Variants in CCDC91 observed in about 807,000 individuals in gnomAD.
CCDC91 encodes coiled-coil domain-containing protein 91.
Under a neutral mutation model 63.2 loss-of-function variants are expected in CCDC91, and 48 were observed. That is an observed-to-expected ratio of 0.76 (90% CI 0.60 to 0.97). The LOEUF (loss-of-function observed/expected upper bound fraction) is 0.97. CCDC91 is among the 50% of genes least tolerant of loss of function. The pLI is 0.00. For missense variants in CCDC91, 500 were observed against 494.6 expected (o/e 1.01, Z -0.10); for synonymous variants, 167 against 165.8 (o/e 1.01, Z -0.06).
chr12:28,222,385 C>T (rs1270974888), intron 1 of CCDC91, among the ~76,000 whole-genome samples: 2 of 152,052 alleles, frequency 1.3e-5, no homozygotes, highest in African/African-American at 4.8e-5. Context: ...TTTTCATTTA[C>T]TCTGTTCATC....
chr12:28,305,795 C>A lies in CCDC91; in HGVS notation c.256C>A (p.Pro86Thr). 1.2e-6 allele frequency: 2 copies of A among 1,611,742 alleles called. No individual in the cohort carries two copies. Among genetic ancestry groups the A allele is most frequent in the Non-Finnish European group, 8.5e-7 (1 of 1,178,674 alleles). Residue 86 changes from proline (P) to threonine (T), a missense_variant, in exon 4 of 13, where the codon CCA becomes ACA. Coordinates refer to ENST00000536442, the MANE Select transcript of CCDC91 (RefSeq NM_018318.5). ...AAATAGCATTGTGAGTCAAACTATT[C>A]CAAAAGCACAGGTAAAGACAAACAT... Reference protein sequence around the residue: ...AANSIVSQTIPKAQIQQSTHT... With the variant: ...AANSIVSQTITKAQIQQSTHT...
At chr12:28,391,525 A>C in intron 8 of CCDC91, 114 bp downstream of exon 8, 1 of 589,472 alleles carries the variant, frequency 1.7e-6, no homozygotes, top group South Asian at 3.1e-5. Context: ...ATTTTGGAGA[A>C]AAAATGTGCT....
intron 3 of CCDC91, among the ~76,000 whole-genome samples, chr12:28,304,375 TAAAAAAAAAA>T (rs777296414): frequency 2.7e-5 from 2 of 73,596 alleles, no homozygotes; most frequent in Non-Finnish European, 5.0e-5. Context: ...AGACTCCGTC[TAAAAAAAAAA>T]AAAAAAAAAA....
intron 12 of CCDC91, among the ~76,000 whole-genome samples, chr12:28,544,271 C>G (rs796346392): frequency 1.3e-5 from 2 of 151,700 alleles, no homozygotes; most frequent in African/African-American, 2.4e-5. Context: ...TCTGCACCCC[C>G]CTTTTGGAGT....
At chr12:28,455,688 T>C (rs574573758) in intron 11 of CCDC91, among the ~76,000 whole-genome samples, 2 of 152,164 alleles carry the variant, frequency 1.3e-5, no homozygotes, top group African/African-American at 4.8e-5. Context: ...TTTTTTTTCT[T>C]TGTAGCTTTG....
chr12:28,193,584 A>G (rs548711322), intron 1 of CCDC91, among the ~76,000 whole-genome samples: 16 of 150,438 alleles, frequency 1.1e-4, no homozygotes, highest in Admixed American at 7.3e-4. Flanking sequence ...CTGGTGACAG[A>G]GTGAAACTCC....
At chr12:28,449,859 G>C (rs11049613) in intron 8 of CCDC91, among the ~76,000 whole-genome samples, 31,081 of 151,476 alleles carry the variant, frequency 0.21, 4,172 homozygotes, top group Non-Finnish European at 0.3. Context: ...GTAATTTTTC[G>C]AAATTTAATC....
intron 1 of CCDC91, among the ~76,000 whole-genome samples, chr12:28,232,868 C>T (rs1286446640): frequency 6.6e-6 from 1 of 151,382 alleles, no homozygotes; most frequent in Non-Finnish European, 1.5e-5. Flanking sequence ...GTAATCCCAG[C>T]TACTCAGAAG....
At chr12:28,472,484 T>C (rs1950870706) in intron 11 of CCDC91, among the ~76,000 whole-genome samples, 1 of 152,156 alleles carries the variant, frequency 6.6e-6, no homozygotes, top group South Asian at 2.1e-4. Context: ...GATTACAATT[T>C]TTAATATAGA....
intron 8 of CCDC91, among the ~76,000 whole-genome samples, chr12:28,415,130 G>T (rs777722204): frequency 6.6e-6 from 1 of 151,816 alleles, no homozygotes; most frequent in African/African-American, 2.4e-5. Flanking sequence ...GTGCTTTAAG[G>T]TTTATCTATT....
At chr12:28,390,554 G>A (rs180767044) in intron 7 of CCDC91, among the ~76,000 whole-genome samples, 45 of 152,282 alleles carry the variant, frequency 3.0e-4, no homozygotes, top group Non-Finnish European at 1.6e-4. Context: ...AAGGAAGTGA[G>A]TGGGTGAAAC....
chr12:28,523,300 G>T (rs1429812955), intron 12 of CCDC91, among the ~76,000 whole-genome samples: 1 of 152,144 alleles, frequency 6.6e-6, no homozygotes, highest in African/African-American at 2.4e-5. Flanking sequence ...AGTTCTTCTT[G>T]TTGAATTGAT....
intron 11 of CCDC91, among the ~76,000 whole-genome samples, chr12:28,460,733 T>C (rs1184993392): frequency 6.6e-6 from 1 of 152,048 alleles, no homozygotes; most frequent in African/African-American, 2.4e-5. Context: ...CATATTTGCA[T>C]ACTATATATA....
rs116395115 is a variant in CCDC91 at position 28,491,038 on chromosome 12, G to A, written c.1215+6873G>A. On this transcript the variant is annotated intron_variant, in intron 12 of 12. Transcript: ENST00000536442. ...ATACGTTTTAACTTAAAATCAAAAT[G>A]TAAATTTATGTATGTACACATAAAA... Among the ~76,000 whole-genome samples the A allele has an allele frequency of 7.7e-3, 1,172 of 151,758 alleles. 19 individuals are homozygous for A. The highest frequency in any genetic ancestry group is 0.026 in the African/African-American group (1,091 of 41,436).
At chr12:28,493,363 A>T (rs531029326) in intron 12 of CCDC91, among the ~76,000 whole-genome samples, 12 of 151,868 alleles carry the variant, frequency 7.9e-5, no homozygotes, top group African/African-American at 2.9e-4. Context: ...TACTTTTTCC[A>T]CTAACAGGAA....
chr12:28,404,503 A>G (rs1201086898), intron 8 of CCDC91, among the ~76,000 whole-genome samples: 2 of 152,072 alleles, frequency 1.3e-5, no homozygotes, highest in Admixed American at 6.6e-5. Flanking sequence ...GACTTCCTTT[A>G]TATTGAGTTG....
intron 12 of CCDC91, among the ~76,000 whole-genome samples, chr12:28,522,496 C>T (rs1565517709): frequency 6.6e-6 from 1 of 152,056 alleles, no homozygotes; most frequent in South Asian, 2.1e-4. Flanking sequence ...AGCGGTCTAT[C>T]AATTTTATTG....
Position 28,452,552 on chromosome 12 carries a change from T to C in CCDC91, c.999T>C (p.His333=), listed in dbSNP as rs777420173. The change falls in exon 11 of 13, where the codon CAT becomes CAC. Residue 333 remains histidine (H), a synonymous_variant. Coordinates refer to ENST00000536442, the MANE Select transcript of CCDC91 (RefSeq NM_018318.5). ...EEERKNLEKA[H]AEERELWKTE... ...AAAGAAAAAATTTAGAAAAAGCGCATGCTGAAGAAAGGGAATTATGGAAGA... is the reference window on the plus strand; with the variant it reads ...AAAGAAAAAATTTAGAAAAAGCGCACGCTGAAGAAAGGGAATTATGGAAGA... 3.1e-6 allele frequency: 5 copies of C among 1,592,196 alleles called. No homozygotes were observed. The highest frequency in any genetic ancestry group is 3.4e-6 in the Non-Finnish European group (4 of 1,169,214).
rs1459386150 is a variant in CCDC91, at chr12:28,252,935, A to G, written c.-14-4267A>G. Among the ~76,000 whole-genome samples, 3 of 152,078 alleles carry G rather than the reference A, an allele frequency of 2.0e-5. No homozygotes were observed. The East Asian group carries it at 5.8e-4, about 29-fold the overall frequency. On this transcript the variant is annotated intron_variant, in intron 1 of 12. Transcript: ENST00000536442. ...ATTTAATCCTTGTACTGACTTTAGG[A>G]GTTAGCTATTATAATATTCGATAGA...
Sources: allele counts gnomAD v4.1 joint callset (sites outside exome capture counted in the v4.1 genomes callset), GRCh38; gene constraint gnomAD v4.1.1; transcripts MANE v1.5; gene names NCBI Gene and HGNC (gene_info 2026-07-23, HGNC 2026-07-21).